RTEL1: variants seen among roughly 807,000 people sequenced by gnomAD.
RTEL1 encodes regulator of telomere length.
Under a neutral mutation model 162.2 loss-of-function variants are expected in RTEL1, and 86 were observed. That is an observed-to-expected ratio of 0.53 (90% confidence interval 0.45 to 0.63). The LOEUF is 0.63. RTEL1 is among the 30% of genes least tolerant of loss of function. The probability of loss-of-function intolerance (pLI) is 0.00; values close to 1 mark genes in which losing one functional copy is unlikely to be tolerated. For synonymous variants in RTEL1, 958 were observed against 717.9 expected, an observed-to-expected ratio of 1.33 and a Z score of -5.35; for missense variants, 1,941 against 1,750.2, an observed-to-expected ratio of 1.11 and a Z score of -1.95.
rs1432376954 is a variant in RTEL1 at position 63,690,959 on chromosome 20, G to A, written c.2556+12G>A. The stretch of plus-strand genomic sequence containing the variant: ...CTGGCGAGGAGCAGGTACAGTTCCA[G>A]GGCCTTGGGATGGACACAGACCCTC... On this transcript the variant is annotated intron_variant, in intron 27 of 34. Coordinates refer to ENST00000360203, the MANE Select transcript of RTEL1 (RefSeq NM_001283009.2). The A allele has an allele frequency of 1.3e-6, 2 of 1,546,124 alleles. No homozygotes were observed. Among genetic ancestry groups the A allele is most frequent in the Admixed American group, 2.0e-5 (1 of 50,776 alleles).
intron 14 of RTEL1, 21 bp downstream of exon 14, chr20:63,680,740 G>T (rs1459950868): frequency 1.2e-6 from 2 of 1,613,154 alleles, no homozygotes; most frequent in East Asian, 2.2e-5. Context: ...CTCCTCTGTG[G>T]CATCTCCTTC....
intron 14 of RTEL1, chr20:63,681,779 G>A (rs891465077): frequency 4.5e-5 from 44 of 985,216 alleles, no homozygotes; most frequent in Non-Finnish European, 5.2e-5. Context: ...GGCCAGTGAC[G>A]CCACAGCCTG....
chr20:63,694,299 G>GGGCCGGCC, intron 30 of RTEL1, 73 bp from the exon 31 acceptor site: 4 of 841,714 alleles, frequency 4.8e-6, no homozygotes, highest in African/African-American at 1.7e-5. Context: ...TCCCTAGCCA[G>GGGCCGGCC]CCCTGCCCCC....
intron 9 of RTEL1, among the ~76,000 whole-genome samples, chr20:63,673,272 T>C (rs1367634486): frequency 6.6e-6 from 1 of 151,350 alleles, no homozygotes; most frequent in East Asian, 2.0e-4. Context: ...CGTGTGCCTA[T>C]AGTCCCAGCT....
At chr20:63,692,491 G>A (rs994841667) in intron 28 of RTEL1, 1 of 444,014 alleles carries the variant, frequency 2.3e-6, no homozygotes. Flanking sequence ...TGGGGCAGGG[G>A]GCTTGAGGGA....
Position 63,693,495 on chromosome 20 carries a change from ACCTCCACCACCACCT to A in RTEL1, c.2992+227_2992+241del, listed in dbSNP as rs1568720322. ...CACCTCCACCTCCACCACCACCTCC[ACCTCCACCACCACCT>A]CCTCCACCACCACCACCTCCACCAC... On this transcript the variant is annotated intron_variant, in intron 30 of 34. Coordinates refer to ENST00000360203, the MANE Select transcript of RTEL1 (RefSeq NM_001283009.2). 1.8e-4 allele frequency among the ~76,000 whole-genome samples: 9 copies of A among 50,492 alleles called. No homozygotes were observed. In the South Asian group the frequency reaches 3.2e-3, roughly 18 times the overall value. The allele number at this position is 50,492 out of a possible 152,430, so 33.1% of individuals were successfully genotyped here.
Position 63,666,047 on chromosome 20 carries a change from T to G in RTEL1, c.582T>G (p.Ile194Met), listed in dbSNP as rs73920935. The change falls in exon 7 of 35, where the codon ATT (isoleucine) becomes ATG (methionine). Residue 194 changes from isoleucine (I) to methionine (M), a missense_variant. Ile to Met is a conservative substitution (Grantham distance 10). Coordinates refer to ENST00000360203, the MANE Select transcript of RTEL1 (RefSeq NM_001283009.2). Reference protein sequence around the residue: ...EQELASPILDIEDLVKSGSKH... With the variant: ...EQELASPILDMEDLVKSGSKH... ...AGCTGGCCAGCCCCATCCTGGACATTGAGGACTTGGTCAAGAGCGGAAGCA... is the reference window on the plus strand; with the variant it reads ...AGCTGGCCAGCCCCATCCTGGACATGGAGGACTTGGTCAAGAGCGGAAGCA... The G allele has an allele frequency of 6.2e-7, 1 of 1,614,028 alleles. No individual in the cohort carries two copies. The highest frequency in any genetic ancestry group is 1.1e-5 in the South Asian group (1 of 91,074).
At chr20:63,666,196 C>A in intron 7 of RTEL1, 117 bp downstream of exon 7, 1 of 823,134 alleles carries the variant, frequency 1.2e-6, no homozygotes, top group Non-Finnish European at 1.9e-6. Flanking sequence ...AATTATGAAA[C>A]TAACCACCAT....
Position 63,691,818 on chromosome 20 carries a change from T to C in RTEL1, c.2633T>C (p.Ile878Thr), listed in dbSNP as rs2090752596. Reference sequence around the variant, plus strand: ...GAACCGCGAGGAGGGAGGAAGAAGATCCGGCTGGTCAGCCACCCGGTGCGT... The same window carrying C: ...GAACCGCGAGGAGGGAGGAAGAAGACCCGGCTGGTCAGCCACCCGGTGCGT... The part of the protein sequence containing the change: ...AEEPRGGRKK[I>T]RLVSHPEEPV... Residue 878 changes from isoleucine to threonine, a missense_variant, in exon 28 of 35, where the codon ATC becomes ACC. Transcript: ENST00000360203. 6 of 1,611,410 alleles carry C rather than the reference T, an allele frequency of 3.7e-6. No individual in the cohort carries two copies. In the East Asian group the frequency reaches 1.3e-4, roughly 36 times the overall value.
In RTEL1 at chr20:63,690,204, G is replaced by A. The variant is rs566601460; in HGVS notation, c.2259G>A (p.Glu753=). 3.1e-6 allele frequency: 5 copies of A among 1,612,336 alleles called. No homozygotes were observed. The Admixed American group carries it at 8.3e-5, about 27-fold the overall frequency. The change falls in exon 25 of 35, where the codon GAG becomes GAA. Residue 753 remains glutamate (E), a synonymous_variant. Transcript: ENST00000360203. ...TGGCCCAGTTCTTCCGTGTTGCCGA[G>A]CGAACTGTGAGTTCCTGCCCAGGGA... ...RDVAQFFRVA[E]RTMPAPAPRA...
intron 28 of RTEL1, chr20:63,692,160 C>T (rs888371805): frequency 4.2e-5 from 12 of 284,124 alleles, no homozygotes; most frequent in African/African-American, 2.4e-4. Context: ...CATTCCTAGC[C>T]TTGGATCAAA....
chr20:63,669,546 C>G (rs1320403892), intron 8 of RTEL1, among the ~76,000 whole-genome samples: 1 of 152,244 alleles, frequency 6.6e-6, no homozygotes, highest in East Asian at 1.9e-4. Context: ...CAGCCCTCCT[C>G]TGATTTGAAA....
intron 30 of RTEL1, among the ~76,000 whole-genome samples, chr20:63,693,993 G>A (rs964033577): frequency 4.6e-5 from 7 of 151,626 alleles, no homozygotes; most frequent in South Asian, 4.2e-4. Context: ...CTCCAGAGGC[G>A]GAAGCATCTG....
At position 63,659,231 on chromosome 20, in the gene RTEL1, A is replaced by G; in HGVS notation, c.-170-2A>G. ...CAAACAGAGTCTTACTGTCTTTCCC[A>G]GGTCTGTGCCATAGGGATTCTCGAA... On this transcript the variant is annotated splice_acceptor_variant, in intron 1 of 34. Coordinates refer to ENST00000360203, the MANE Select transcript of RTEL1 (RefSeq NM_001283009.2). LOFTEE classifies it low-confidence loss of function (5UTR_SPLICE). 1 of 627,412 alleles carries G rather than the reference A, an allele frequency of 1.6e-6. No homozygotes were observed. The highest frequency in any genetic ancestry group is 2.9e-6 in the Non-Finnish European group (1 of 342,352). The allele number at this position is 627,412 out of a possible 1,614,324, so 38.9% of individuals were successfully genotyped here.
chr20:63,689,236 C>A, intron 22 of RTEL1, 104 bp downstream of exon 22: 1 of 1,168,672 alleles, frequency 8.6e-7, no homozygotes, highest in South Asian at 1.3e-5. Context: ...CCGGTCCCCT[C>A]CTTGGGTCCC....
intron 6 of RTEL1, among the ~76,000 whole-genome samples, chr20:63,664,353 G>A (rs1327484477): frequency 6.6e-6 from 1 of 152,230 alleles, no homozygotes; most frequent in Non-Finnish European, 1.5e-5. Flanking sequence ...CGCTGAGCAT[G>A]GGCCTGGCCG....
Position 63,696,094 on chromosome 20 carries a change from TTC to T in RTEL1, c.*237_*238del, listed in dbSNP as rs2090973355. 1.8e-6 allele frequency: 1 copy of T among 550,638 alleles called. No individual in the cohort carries two copies. The highest frequency in any genetic ancestry group is 1.9e-5 in the African/African-American group (1 of 52,286). The allele number at this position is 550,638 out of a possible 1,614,324, so 34.1% of individuals were successfully genotyped here. ...CTGGGGTGGGTTTCTGGGAAAGTGC[TTC>T]CCCAGAACTTCCCTGGCTCCTGGCC... On this transcript the variant is annotated 3_prime_UTR_variant, in exon 35 of 35. Transcript: ENST00000360203.
chr20:63,691,207 G>C lies in RTEL1; in HGVS notation c.2556+260G>C, dbSNP rs73318002. Among the ~76,000 whole-genome samples the C allele has an allele frequency of 7.2e-3, 1,093 of 152,264 alleles. 15 individuals are homozygous for C. The highest frequency in any genetic ancestry group is 0.026 in the African/African-American group (1,067 of 41,556). The stretch of plus-strand genomic sequence containing the variant: ...GCCCCCCACATCACTTTGGTTCTCT[G>C]GCGGGTCAGCTTGGCTCAGTGCACT... On this transcript the variant is annotated intron_variant, in intron 27 of 34. Transcript: ENST00000360203.
intron 16 of RTEL1, 25 bp from the exon 17 acceptor site, chr20:63,687,613 C>T (rs372136372): frequency 2.3e-5 from 36 of 1,584,428 alleles, no homozygotes; most frequent in Non-Finnish European, 2.9e-5. Context: ...ACACTCTGTG[C>T]CCTCTGCCGC....
Sources: allele counts gnomAD v4.1 joint callset (sites outside exome capture counted in the v4.1 genomes callset), GRCh38; gene constraint gnomAD v4.1.1; transcripts MANE v1.5; gene names NCBI Gene and HGNC (gene_info 2026-07-23, HGNC 2026-07-21).